The following SMYD3 variants were observed in gnomAD, a reference collection of about 807,000 sequenced individuals.
SMYD3 encodes histone-lysine N-methyltransferase SMYD3.
A neutral mutation model predicts 57.7 loss-of-function variants in SMYD3; 36 were observed. That is an observed-to-expected ratio of 0.62 (90% CI 0.48 to 0.82). The LOEUF (loss-of-function observed/expected upper bound fraction) is 0.82, where lower values mean the gene tolerates loss of function less well. Among genes scored for constraint, SMYD3 ranks in the 40% least tolerant of loss-of-function variants. SMYD3 has a pLI of 0.00. For synonymous variants in SMYD3, 211 were observed against 195.0 expected (o/e 1.08, Z -0.68); for missense variants, 515 against 538.8 (o/e 0.96, Z 0.44).
chr1:245,793,697 T>C (rs2047400530), intron 10 of SMYD3, among the ~76,000 whole-genome samples: 1 of 151,836 alleles, frequency 6.6e-6, no homozygotes, highest in Non-Finnish European at 1.5e-5. Flanking sequence ...CTCTCAAACC[T>C]TGCCCTCCCA....
At chr1:246,455,102 AT>A (rs1470911920) in intron 1 of SMYD3, among the ~76,000 whole-genome samples, 2 of 152,170 alleles carry the variant, frequency 1.3e-5, no homozygotes, top group South Asian at 2.1e-4. Context: ...TAGACCCAGC[AT>A]TTTTTGTTTG....
intron 5 of SMYD3, among the ~76,000 whole-genome samples, chr1:246,181,672 A>T (rs770114122): frequency 4.6e-5 from 7 of 151,128 alleles, no homozygotes; most frequent in Non-Finnish European, 1.0e-4. Context: ...CTGAATTATG[A>T]AACAGACACA....
chr1:246,101,080 T>G lies in SMYD3; in HGVS notation c.532-171143A>C, dbSNP rs1282853229. Among the ~76,000 whole-genome samples the G allele has an allele frequency of 1.4e-4, 18 of 127,084 alleles. No individual in the cohort carries two copies. The East Asian group carries it at 2.9e-3, about 20-fold the overall frequency. The allele number at this position is 127,084 out of a possible 152,430, so 83.4% of individuals were successfully genotyped here. A position where few individuals can be genotyped will look rare whatever the true frequency, so the allele number is the denominator to read the frequency against. ...TTTTTAGGGGTTTTTTGTTTTTTTT[T>G]TTTTTTTTTTTTTTTTTTTTACAGA... On this transcript the variant is annotated intron_variant, in intron 5 of 11. Transcript: ENST00000490107.
rs538853726 is a variant in SMYD3 at position 245,793,189 on chromosome 1, G to A, written c.1077-29040C>T. Among the ~76,000 whole-genome samples the A allele has an allele frequency of 6.5e-4, 98 of 150,916 alleles. 1 individual carries two copies. The highest frequency in any genetic ancestry group is 4.4e-3 in the South Asian group (21 of 4,732). ...CCGGGCATGGTGGCGGGTGCCTGTA[G>A]TCCCAGCTACTCGGGAGGCTGAGGC... is the stretch of plus-strand genomic sequence containing the variant. On this transcript the variant is annotated intron_variant, in intron 10 of 11. Coordinates refer to ENST00000490107, the MANE Select transcript of SMYD3 (RefSeq NM_001167740.2).
At chr1:245,945,573 C>G (rs1227738913) in intron 5 of SMYD3, among the ~76,000 whole-genome samples, 1 of 152,080 alleles carries the variant, frequency 6.6e-6, no homozygotes, top group Non-Finnish European at 1.5e-5. Flanking sequence ...CCTCAAAGGC[C>G]TAGAAGCAGA....
In SMYD3 at chr1:246,121,432, C is replaced by CAAAAAAA. The variant is rs10646615; in HGVS notation, c.532-191502_532-191496dup. On this transcript the variant is annotated intron_variant, in intron 5 of 11. Transcript: ENST00000490107. ...GAATTTTGAAATTCCTTCCATTTTG[C>CAAAAAAA]AAAAAAAAAAAAAAAAAAAAAGCTT... Among the ~76,000 whole-genome samples the CAAAAAAA allele has an allele frequency of 5.0e-5, 5 of 100,298 alleles. 1 individual carries two copies. Among genetic ancestry groups the CAAAAAAA allele is most frequent in the Admixed American group, 1.1e-4 (1 of 9,038 alleles). 65.8% of individuals were successfully genotyped at this position (100,298 alleles called of 152,430 possible).
At chr1:246,280,536 T>C (rs746777075) in intron 5 of SMYD3, among the ~76,000 whole-genome samples, 5 of 152,278 alleles carry the variant, frequency 3.3e-5, no homozygotes, top group East Asian at 3.9e-4. Context: ...GGCAGGAGGA[T>C]TGCTTGAGCC....
intron 5 of SMYD3, among the ~76,000 whole-genome samples, chr1:246,215,680 G>A (rs1032532877): frequency 6.6e-6 from 1 of 152,120 alleles, no homozygotes; most frequent in African/African-American, 2.4e-5. Flanking sequence ...GCAGCAGCAT[G>A]CCACAGAAAG....
intron 10 of SMYD3, among the ~76,000 whole-genome samples, chr1:245,804,192 T>C (rs1036365103): frequency 6.6e-6 from 1 of 152,132 alleles, no homozygotes; most frequent in Non-Finnish European, 1.5e-5. Context: ...ATTACAGGCG[T>C]GAGGCACCGC....
At chr1:245,962,772 G>A (rs1161026609) in intron 5 of SMYD3, among the ~76,000 whole-genome samples, 4 of 126,158 alleles carry the variant, frequency 3.2e-5, no homozygotes, top group Non-Finnish European at 7.1e-5. Context: ...AGAAACCAAA[G>A]TCGGCCTGAA....
intron 5 of SMYD3, among the ~76,000 whole-genome samples, chr1:246,160,955 G>T (rs1179759970): frequency 6.6e-6 from 1 of 152,190 alleles, no homozygotes; most frequent in Admixed American, 6.5e-5. Flanking sequence ...CAGAAGCTGG[G>T]GCTGTTTGCT....
At chr1:246,166,855 T>A (rs552367046) in intron 5 of SMYD3, among the ~76,000 whole-genome samples, 1 of 152,204 alleles carries the variant, frequency 6.6e-6, no homozygotes, top group Non-Finnish European at 1.5e-5. Flanking sequence ...TTCACAATGA[T>A]AAACGACCAC....
intron 10 of SMYD3, among the ~76,000 whole-genome samples, chr1:245,823,322 C>T (rs1410734611): frequency 3.0e-5 from 3 of 101,222 alleles, no homozygotes; most frequent in Non-Finnish European, 5.9e-5. Flanking sequence ...CGTGCGTGTG[C>T]ACACACACAC....
chr1:245,803,571 G>C (rs1449636858), intron 10 of SMYD3, among the ~76,000 whole-genome samples: 6 of 152,144 alleles, frequency 3.9e-5, no homozygotes, highest in Non-Finnish European at 7.4e-5. Context: ...GAAGATGGAC[G>C]ACAACTCAAA....
chr1:246,410,327 T>G (rs2066943483), intron 1 of SMYD3, among the ~76,000 whole-genome samples: 1 of 152,204 alleles, frequency 6.6e-6, no homozygotes, highest in Non-Finnish European at 1.5e-5. Flanking sequence ...TAGCTCTTAT[T>G]GTTTTGAGAT....
chr1:246,220,105 A>G (rs2063229709), intron 5 of SMYD3, among the ~76,000 whole-genome samples: 1 of 152,166 alleles, frequency 6.6e-6, no homozygotes, highest in Admixed American at 6.5e-5. Flanking sequence ...TTTGGCATTT[A>G]CGTTCCTCTA....
intron 5 of SMYD3, among the ~76,000 whole-genome samples, chr1:246,234,791 T>G (rs1038167341): frequency 1.3e-5 from 2 of 152,218 alleles, no homozygotes; most frequent in Non-Finnish European, 2.9e-5. Context: ...AGTTACAGCT[T>G]AGACAAGAAA....
intron 10 of SMYD3, among the ~76,000 whole-genome samples, chr1:245,834,949 G>A (rs1205304462): frequency 6.6e-6 from 1 of 152,036 alleles, no homozygotes; most frequent in Non-Finnish European, 1.5e-5. Flanking sequence ...ATAGGAACAT[G>A]GGCCTTTTCC....
At chr1:246,478,910 G>A (rs12070678) in intron 1 of SMYD3, among the ~76,000 whole-genome samples, 303 of 28,766 alleles carry the variant, frequency 0.011, 19 homozygotes, top group African/African-American at 0.041. Flanking sequence ...ATAAGTGCTC[G>A]TATATGTACA....
Sources: gnomAD v4.1 joint callset for allele counts (sites outside exome capture counted in the v4.1 genomes callset) on GRCh38, gnomAD v4.1.1 for gene constraint, MANE v1.5 for transcripts, NCBI Gene and HGNC (gene_info 2026-07-23, HGNC 2026-07-21) for gene names.